SENP1: variants seen among roughly 807,000 people sequenced by gnomAD.
SENP1 encodes SUMO specific peptidase 1, also known as sentrin-specific protease 1.
In SENP1, 21 loss-of-function variants were observed where a neutral mutation model predicts 93.0. The ratio of observed to expected loss-of-function variants is 0.23; its 90% CI spans 0.16 to 0.33. The LOEUF (loss-of-function observed/expected upper bound fraction) is 0.33. Ranked by LOEUF, SENP1 falls within the 10% of genes least tolerant of loss-of-function variation. The pLI, the probability that SENP1 is intolerant of heterozygous loss-of-function variation, is 1.00. For missense variants in SENP1, 591 were observed against 758.7 expected (o/e 0.78, Z 2.60); for synonymous variants, 256 against 259.6 (o/e 0.99, Z 0.13).
chr12:48,095,499 G>A (rs1182507406), intron 4 of SENP1, among the ~76,000 whole-genome samples: 1 of 139,320 alleles, frequency 7.2e-6, no homozygotes, highest in Non-Finnish European at 1.5e-5. Context: ...TCACACCACT[G>A]CACTTCAGCC....
chr12:48,090,532 G>A (rs1323178944), intron 4 of SENP1, among the ~76,000 whole-genome samples: 1 of 152,184 alleles, frequency 6.6e-6, no homozygotes, highest in Non-Finnish European at 1.5e-5. Flanking sequence ...TTGCTGAATG[G>A]TGTTCTATTG....
At position 48,045,005 on chromosome 12, in the gene SENP1, C is replaced by A; in HGVS notation, c.*317G>T. ...ATTCTTTCCAAGCTTTTCTCAGTCC[C>A]ATAATTAGGGACTGAGTGAGGCTGG... On this transcript the variant is annotated 3_prime_UTR_variant, in exon 18 of 18. Coordinates refer to ENST00000549518, the MANE Select transcript of SENP1 (RefSeq NM_001267594.2). 1 of 343,006 alleles carries A rather than the reference C, an allele frequency of 2.9e-6. No homozygotes were observed. The highest frequency in any genetic ancestry group is 5.4e-6 in the Non-Finnish European group (1 of 186,152). 21.2% of individuals were successfully genotyped at this position (343,006 alleles called of 1,614,324 possible). A position where few individuals can be genotyped will look rare whatever the true frequency, so the allele number is the denominator to read the frequency against.
intron 8 of SENP1, among the ~76,000 whole-genome samples, chr12:48,073,760 C>T (rs553991378): frequency 6.6e-6 from 1 of 152,286 alleles, no homozygotes; most frequent in South Asian, 2.1e-4. Context: ...TTTCAAAACT[C>T]CTACAACTTC....
intron 17 of SENP1, 91 bp downstream of exon 17, chr12:48,046,265 C>T (rs745399815): frequency 2.5e-6 from 2 of 808,358 alleles, no homozygotes; most frequent in East Asian, 4.9e-5. Context: ...AGGGTAGAGG[C>T]CCCTAAAGAG....
At chr12:48,090,997 T>C (rs904464707) in intron 4 of SENP1, among the ~76,000 whole-genome samples, 1 of 152,208 alleles carries the variant, frequency 6.6e-6, no homozygotes, top group Non-Finnish European at 1.5e-5. Flanking sequence ...ACCTATTATG[T>C]GTACATACAT....
At chr12:48,083,526 A>G in intron 6 of SENP1, 65 bp downstream of exon 6, 1 of 1,277,050 alleles carries the variant, frequency 7.8e-7, no homozygotes, top group Admixed American at 2.1e-5. Flanking sequence ...ATTAATAGGG[A>G]GCAAATGGCT....
At chr12:48,103,168 G>C (rs1411251161) in intron 1 of SENP1, among the ~76,000 whole-genome samples, 1 of 152,122 alleles carries the variant, frequency 6.6e-6, no homozygotes, top group Non-Finnish European at 1.5e-5. Context: ...TTAAAAGCTT[G>C]GTGCCCAACA....
chr12:48,046,472 A>G lies in SENP1; in HGVS notation c.1777-21T>C, dbSNP rs186389904. The G allele has an allele frequency of 6.5e-4, 966 of 1,495,104 alleles. 1 individual carries two copies. The highest frequency in any genetic ancestry group is 1.0e-3 in the Middle Eastern group (6 of 5,854). The allele number at this position is 1,495,104 out of a possible 1,614,324, so 92.6% of individuals were successfully genotyped here. A position where few individuals can be genotyped will look rare whatever the true frequency, so the allele number is the denominator to read the frequency against. On this transcript the variant is annotated intron_variant, in intron 16 of 17. Transcript: ENST00000549518. ...ATCTCCTGGAAGACCAACAACAAAA[A>G]AAATGACATCTTTCCAAGCTTCTTT...
intron 12 of SENP1, 27 bp downstream of exon 12, chr12:48,065,038 T>A (rs750622021): frequency 2.0e-5 from 29 of 1,439,154 alleles, no homozygotes; most frequent in Non-Finnish European, 2.8e-5. Context: ...TACTTAGTAG[T>A]GTAGAAATTA....
intron 13 of SENP1, among the ~76,000 whole-genome samples, chr12:48,055,764 G>A (rs866090545): frequency 2.8e-5 from 4 of 143,900 alleles, no homozygotes; most frequent in African/African-American, 1.0e-4. Context: ...GTTAAATAAC[G>A]TTATTGAATA....
At chr12:48,084,598 G>A (rs1050077068) in intron 5 of SENP1, among the ~76,000 whole-genome samples, 12 of 151,862 alleles carry the variant, frequency 7.9e-5, no homozygotes, top group African/African-American at 2.9e-4. Context: ...ACAGGCACCC[G>A]CCGCCACACC....
intron 13 of SENP1, among the ~76,000 whole-genome samples, chr12:48,054,273 T>G (rs1942048057): frequency 6.6e-6 from 1 of 152,240 alleles, no homozygotes; most frequent in African/African-American, 2.4e-5. Context: ...AGATTATGCT[T>G]CACGTATTTC....
At chr12:48,068,825 G>GA (rs111640460) in intron 9 of SENP1, among the ~76,000 whole-genome samples, 36 of 148,704 alleles carry the variant, frequency 2.4e-4, no homozygotes, top group Middle Eastern at 3.4e-3. Flanking sequence ...AATCTTCTGA[G>GA]AAAAAAAAAA....
chr12:48,096,787 T>C (rs1037574921), intron 3 of SENP1, among the ~76,000 whole-genome samples: 1 of 151,984 alleles, frequency 6.6e-6, no homozygotes, highest in African/African-American at 2.4e-5. Flanking sequence ...AATAAAAACA[T>C]ATACTAGGAA....
intron 4 of SENP1, among the ~76,000 whole-genome samples, chr12:48,095,948 A>G (rs1228575756): frequency 1.3e-5 from 2 of 152,246 alleles, no homozygotes; most frequent in African/African-American, 4.8e-5. Context: ...AGGAAGAAAT[A>G]AATTTTCAGG....
intron 3 of SENP1, among the ~76,000 whole-genome samples, chr12:48,096,675 T>G (rs1945584499): frequency 6.6e-6 from 1 of 152,132 alleles, no homozygotes; most frequent in Non-Finnish European, 1.5e-5. Flanking sequence ...AGGCTGGTCT[T>G]GAACTCCTGA....
intron 9 of SENP1, among the ~76,000 whole-genome samples, chr12:48,070,485 T>A (rs1943613886): frequency 6.6e-6 from 1 of 152,100 alleles, no homozygotes; most frequent in South Asian, 2.1e-4. Context: ...GGACTTCACA[T>A]TGTCCTTCAT....
intron 9 of SENP1, 66 bp from the exon 10 acceptor site, chr12:48,067,031 C>T (rs1283652657): frequency 9.4e-7 from 1 of 1,061,160 alleles, no homozygotes; most frequent in Non-Finnish European, 1.4e-6. Flanking sequence ...AAAATATTTT[C>T]ATCAATAAAA....
At chr12:48,070,472 T>G (rs559179993) in intron 9 of SENP1, among the ~76,000 whole-genome samples, 1 of 152,128 alleles carries the variant, frequency 6.6e-6, no homozygotes, top group Non-Finnish European at 1.5e-5. Flanking sequence ...TCCTTGAGCA[T>G]AGGGACTTCA....
Sources: allele counts gnomAD v4.1 joint callset (sites outside exome capture counted in the v4.1 genomes callset), GRCh38; gene constraint gnomAD v4.1.1; transcripts MANE v1.5; gene names NCBI Gene and HGNC (gene_info 2026-07-23, HGNC 2026-07-21).